Variants in PLEKHM3 observed in about 807,000 individuals in gnomAD.
PLEKHM3 encodes the protein pleckstrin homology domain containing M3.
PLEKHM3 carries 45 observed loss-of-function variants against 81.8 expected under a neutral mutation model. The observed-to-expected ratio is 0.55, with a 90% CI of 0.43 to 0.71. The LOEUF (loss-of-function observed/expected upper bound fraction) is 0.71, where lower values mean the gene tolerates loss of function less well. Ranked by LOEUF, PLEKHM3 falls within the 30% of genes least tolerant of loss-of-function variation. The pLI is 0.00. For missense variants in PLEKHM3, 788 were observed against 924.3 expected (o/e 0.85, Z 1.91); for synonymous variants, 352 against 356.4 (o/e 0.99, Z 0.14).
rs375414006 is a variant in PLEKHM3 at position 207,882,612 on chromosome 2, CAAAAAAAA to C, written c.1951-21358_1951-21351del. Among the ~76,000 whole-genome samples, 22 of 85,150 alleles carry C rather than the reference CAAAAAAAA, an allele frequency of 2.6e-4. No homozygotes were observed. In the South Asian group the frequency reaches 0.011, roughly 42 times the overall value. 55.9% of individuals were successfully genotyped at this position (85,150 alleles called of 152,430 possible). ...GGGCGACAAGAGCAAAACTCCATCT[CAAAAAAAA>C]AAAAAAAAAAAGGCCTGGGTTTTCA... On this transcript the variant is annotated intron_variant, in intron 6 of 7. Transcript: ENST00000427836.
At chr2:207,942,402 G>T (rs1414440682) in intron 4 of PLEKHM3, among the ~76,000 whole-genome samples, 2 of 152,030 alleles carry the variant, frequency 1.3e-5, no homozygotes, top group Non-Finnish European at 2.9e-5. Context: ...GTCCCAGCTA[G>T]TTGGGAGGCT....
intron 7 of PLEKHM3, among the ~76,000 whole-genome samples, chr2:207,844,311 T>C (rs1162191306): frequency 1.3e-5 from 2 of 149,858 alleles, no homozygotes; most frequent in Non-Finnish European, 3.0e-5. Context: ...TTCTTTTTTT[T>C]TTTTTTTTTG....
At chr2:207,914,963 T>A (rs113231404) in intron 5 of PLEKHM3, among the ~76,000 whole-genome samples, 5 of 152,230 alleles carry the variant, frequency 3.3e-5, no homozygotes, top group African/African-American at 1.2e-4. Context: ...AGCCAAAGAA[T>A]AAATGAGATA....
rs189368863 is a variant in PLEKHM3, at chr2:207,986,424, T to C, written c.611-8838A>G. On this transcript the variant is annotated intron_variant, in intron 2 of 7. Coordinates refer to ENST00000427836, the MANE Select transcript of PLEKHM3 (RefSeq NM_001080475.3). ...TTCTTTTCAGTTTCTCTACAGGCTA[T>C]CCAGGCTATAGTAAGCTGAAAGGAT... is the stretch of plus-strand genomic sequence containing the variant. Among the ~76,000 whole-genome samples, 7 of 152,258 alleles carry C rather than the reference T, an allele frequency of 4.6e-5. No individual in the cohort carries two copies. In the East Asian group the frequency reaches 1.3e-3, roughly 29 times the overall value.
chr2:207,846,235 T>C (rs1406351269), intron 7 of PLEKHM3, among the ~76,000 whole-genome samples: 2 of 152,072 alleles, frequency 1.3e-5, no homozygotes, highest in East Asian at 1.9e-4. Flanking sequence ...TTCCGCCTCC[T>C]GGGTTTAAGC....
intron 7 of PLEKHM3, among the ~76,000 whole-genome samples, chr2:207,854,242 A>G (rs1337558564): frequency 6.6e-6 from 1 of 152,230 alleles, no homozygotes. Context: ...AAATTTTTAC[A>G]TACAGGTTTT....
chr2:207,838,016 C>T (rs2105886129), intron 7 of PLEKHM3, among the ~76,000 whole-genome samples: 1 of 151,986 alleles, frequency 6.6e-6, no homozygotes, highest in Non-Finnish European at 1.5e-5. Context: ...AGGTGATCCG[C>T]CCGCCTCGGC....
At chr2:207,845,051 A>C (rs1422206812) in intron 7 of PLEKHM3, among the ~76,000 whole-genome samples, 1 of 152,218 alleles carries the variant, frequency 6.6e-6, no homozygotes, top group African/African-American at 2.4e-5. Flanking sequence ...TCAGGAGCTG[A>C]AATGATAATT....
intron 5 of PLEKHM3, among the ~76,000 whole-genome samples, chr2:207,918,828 A>G (rs1025820441): frequency 1.8e-4 from 28 of 152,234 alleles, no homozygotes; most frequent in African/African-American, 6.5e-4. Context: ...AAGTCATGAC[A>G]TTTTGTAGCT....
At chr2:207,936,264 G>A (rs1258190527) in intron 4 of PLEKHM3, among the ~76,000 whole-genome samples, 4 of 152,184 alleles carry the variant, frequency 2.6e-5, no homozygotes, top group African/African-American at 4.8e-5. Flanking sequence ...GAGCCACTGC[G>A]CCCAGTCTAT....
chr2:207,859,187 G>C (rs1229822765), intron 7 of PLEKHM3, among the ~76,000 whole-genome samples: 1 of 146,514 alleles, frequency 6.8e-6, no homozygotes, highest in South Asian at 2.2e-4. Context: ...GCCCAGGCTG[G>C]AGGGCAATGG....
chr2:207,976,769 T>C lies in PLEKHM3; in HGVS notation c.1428A>G (p.Gln476=), dbSNP rs1691324800. 10 of 1,614,192 alleles carry C rather than the reference T, an allele frequency of 6.2e-6. No homozygotes were observed. Among genetic ancestry groups the C allele is most frequent in the African/African-American group, 2.7e-5 (2 of 75,040 alleles). ...QVTLRNKPKD[Q]MGGHELRKNK... The stretch of plus-strand genomic sequence containing the variant: ...TCTTCCTGAGTTCATGCCCACCCAT[T>C]TGATCCTTGGGTTTGTTCCTCAGTG... Residue 476 remains glutamine (Q), a synonymous_variant, in exon 3 of 8, where the codon CAA becomes CAG. Transcript: ENST00000427836. The surrounding 1 kb of genome is among the most constrained non-coding windows in gnomAD (Gnocchi z 4.1).
intron 3 of PLEKHM3, among the ~76,000 whole-genome samples, chr2:207,959,722 T>C (rs1338590994): frequency 6.6e-6 from 1 of 152,232 alleles, no homozygotes; most frequent in Non-Finnish European, 1.5e-5. Context: ...AGAGTAATTC[T>C]ACTTGAGCCA....
chr2:207,993,115 A>G (rs181958017), intron 2 of PLEKHM3, among the ~76,000 whole-genome samples: 30 of 152,220 alleles, frequency 2.0e-4, no homozygotes, highest in African/African-American at 7.0e-4. Flanking sequence ...TTAGCCAAAA[A>G]GAAAAAAAAA....
chr2:207,880,395 A>C (rs2092580627), intron 6 of PLEKHM3, among the ~76,000 whole-genome samples: 1 of 141,686 alleles, frequency 7.1e-6, no homozygotes, highest in Non-Finnish European at 1.5e-5. Context: ...CGACAGAGTG[A>C]GACTCTGTCT....
At chr2:207,948,916 A>T (rs915281319) in intron 3 of PLEKHM3, among the ~76,000 whole-genome samples, 1 of 152,088 alleles carries the variant, frequency 6.6e-6, no homozygotes, top group African/African-American at 2.4e-5. Context: ...TGACCTCGTG[A>T]TCCGCCTGCC....
intron 5 of PLEKHM3, among the ~76,000 whole-genome samples, chr2:207,913,301 AG>A (rs925740978): frequency 3.0e-4 from 45 of 152,202 alleles, no homozygotes; most frequent in African/African-American, 1.1e-3. Flanking sequence ...GTGATAGTCC[AG>A]GGGGGCACAT....
At position 207,861,207 on chromosome 2, in the gene PLEKHM3, G is replaced by A; in HGVS notation, c.2006C>T (p.Ser669Leu). The change falls in exon 7 of 8, where the codon TCA (serine) becomes TTA (leucine). Residue 669 changes from serine to leucine, a missense_variant. Ser to Leu is a moderately radical substitution (Grantham distance 145, BLOSUM62 -2). Transcript: ENST00000427836. Reference protein sequence around the residue: ...FLGKVIKFATSHVYSCSLCSQ... With the variant: ...FLGKVIKFATLHVYSCSLCSQ... ...ACAAAGACTGCAGCTGTACACGTGT[G>A]AGGTGGCAAATTTAATGACCTTGCC... 1 of 1,614,132 alleles carries A rather than the reference G, an allele frequency of 6.2e-7. No homozygotes were observed. Among genetic ancestry groups the A allele is most frequent in the Non-Finnish European group, 8.5e-7 (1 of 1,180,008 alleles).
intron 5 of PLEKHM3, among the ~76,000 whole-genome samples, chr2:207,913,242 G>A (rs1688866349): frequency 6.6e-6 from 1 of 152,010 alleles, no homozygotes; most frequent in Admixed American, 6.6e-5. Context: ...CCAAGTGGGC[G>A]ATTTGTGGGC....
Sources: gnomAD v4.1 joint callset for allele counts (sites outside exome capture counted in the v4.1 genomes callset) on GRCh38, gnomAD v4.1.1 for gene constraint, Gnocchi (gnomAD v3.1) non-coding constraint, MANE v1.5 for transcripts, NCBI Gene and HGNC (gene_info 2026-07-23, HGNC 2026-07-21) for gene names.